KIRREL3: variants seen among roughly 807,000 people sequenced by gnomAD.
The protein encoded by KIRREL3 is kin of IRRE-like protein 3.
A neutral mutation model predicts 89.7 loss-of-function variants in KIRREL3; 36 were observed. The ratio of observed to expected loss-of-function variants is 0.40; its 90% CI spans 0.31 to 0.53. The LOEUF is 0.53. Among genes scored for constraint, KIRREL3 ranks in the 20% least tolerant of loss-of-function variants. KIRREL3 has a pLI of 0.49. For synonymous variants in KIRREL3, 445 were observed against 441.4 expected (o/e 1.01, Z -0.10); for missense variants, 864 against 1,056.6 (o/e 0.82, Z 2.53).
chr11:126,681,727 T>C, intron 1 of KIRREL3: 1 of 354,020 alleles, frequency 2.8e-6, no homozygotes, highest in Non-Finnish European at 5.6e-6. Flanking sequence ...CAATAAACAT[T>C]TGTTTAATTG....
chr11:126,982,459 C>A (rs955330775), intron 1 of KIRREL3, among the ~76,000 whole-genome samples: 1 of 152,194 alleles, frequency 6.6e-6, no homozygotes, highest in East Asian at 1.9e-4. Flanking sequence ...TCTTCTCAAA[C>A]CTGAGGGAGA....
At chr11:126,923,271 TTCTCCTTCTC>T (rs1947531360) in intron 1 of KIRREL3, among the ~76,000 whole-genome samples, 1 of 106,992 alleles carries the variant, frequency 9.3e-6, no homozygotes, top group African/African-American at 4.0e-5. Context: ...CTTCTTCTCC[TTCTCCTTCTC>T]CTTCTCCTTC....
In KIRREL3 at chr11:126,547,893, C is replaced by A. The variant is rs117999787; in HGVS notation, c.133+14942G>T. On this transcript the variant is annotated intron_variant, in intron 2 of 16. Transcript: ENST00000525144. ...TGGAAGTAAGAAGGCCAGGCTTTGGCGTTCAGCTGGCTTACTCTAACATCT... is the reference window on the plus strand; with the variant it reads ...TGGAAGTAAGAAGGCCAGGCTTTGGAGTTCAGCTGGCTTACTCTAACATCT... Among the ~76,000 whole-genome samples, 29 of 152,160 alleles carry A rather than the reference C, an allele frequency of 1.9e-4. 1 individual carries two copies. Among genetic ancestry groups the A allele is most frequent in the Admixed American group, 5.2e-4 (8 of 15,278 alleles).
rs114341994 is a variant in KIRREL3, at chr11:126,484,976, T to C, written c.434-11510A>G. ...GATTACAGGCACCTGCCACCACGCC[T>C]GGCTGATATTTTTTGGTACTTTTGG... On this transcript the variant is annotated intron_variant, in intron 4 of 16. Transcript: ENST00000525144. This position sits in a 1 kb window ranked among gnomAD's most constrained non-coding sequence, Gnocchi z 5.2. 0.023 allele frequency among the ~76,000 whole-genome samples: 3,472 copies of C among 152,216 alleles called. 139 individuals carry two copies. The highest frequency in any genetic ancestry group is 0.075 in the African/African-American group (3,104 of 41,528).
chr11:126,591,062 C>T (rs1241102057), intron 1 of KIRREL3, among the ~76,000 whole-genome samples: 1 of 152,146 alleles, frequency 6.6e-6, no homozygotes. Flanking sequence ...TACGTCTCTA[C>T]TAAAAATACA....
intron 1 of KIRREL3, among the ~76,000 whole-genome samples, chr11:126,861,063 A>G (rs1416210640): frequency 6.6e-6 from 1 of 152,082 alleles, no homozygotes; most frequent in Non-Finnish European, 1.5e-5. Flanking sequence ...TTGTTCTCAC[A>G]TGGGTAGGGA....
intron 1 of KIRREL3, among the ~76,000 whole-genome samples, chr11:126,793,384 T>C (rs1019223093): frequency 6.6e-6 from 1 of 152,194 alleles, no homozygotes; most frequent in African/African-American, 2.4e-5. Flanking sequence ...AGGGTTACTT[T>C]TGTTCCTTCA....
rs1450590841 is a variant in KIRREL3, at chr11:126,425,493, C to T, written c.1893+145G>A. 2.0e-5 allele frequency: 14 copies of T among 687,174 alleles called. 1 individual carries two copies. Among genetic ancestry groups the T allele is most frequent in the Middle Eastern group, 7.3e-4 (2 of 2,728 alleles). The allele number at this position is 687,174 out of a possible 1,614,324, so 42.6% of individuals were successfully genotyped here. On this transcript the variant is annotated intron_variant, in intron 16 of 16. Coordinates refer to ENST00000525144, the MANE Select transcript of KIRREL3 (RefSeq NM_032531.4). ...GGGTAGGGAGAGGAGGTGCCTTAGG[C>T]AGGGACGGGCACCTGCCACCAAGCT... is the stretch of plus-strand genomic sequence containing the variant.
intron 1 of KIRREL3, among the ~76,000 whole-genome samples, chr11:126,923,325 T>TC (rs1170618937): frequency 1.4e-5 from 2 of 141,828 alleles, no homozygotes; most frequent in East Asian, 2.0e-4. Context: ...TCTTCCTTCT[T>TC]CTTCTTCCTT....
intron 1 of KIRREL3, among the ~76,000 whole-genome samples, chr11:126,688,300 C>T (rs892768194): frequency 3.9e-5 from 6 of 152,236 alleles, no homozygotes; most frequent in East Asian, 1.9e-4. Flanking sequence ...TGTACATAAG[C>T]GATATTGATT....
Position 126,994,238 on chromosome 11 carries a change from G to A in KIRREL3, c.55+6217C>T, listed in dbSNP as rs920593220. Among the ~76,000 whole-genome samples the A allele has an allele frequency of 1.2e-4, 18 of 152,148 alleles. No individual in the cohort carries two copies. The highest frequency in any genetic ancestry group is 2.6e-4 in the Non-Finnish European group (18 of 68,022). The stretch of plus-strand genomic sequence containing the variant: ...GTGTTCAGTAGGGGGTCAGGAGGGC[G>A]TGGGAAGGCTTCCAGATGCCAGGAA... On this transcript the variant is annotated intron_variant, in intron 1 of 16. Coordinates refer to ENST00000525144, the MANE Select transcript of KIRREL3 (RefSeq NM_032531.4). This position sits in a 1 kb window ranked among gnomAD's most constrained non-coding sequence, Gnocchi z 5.2.
intron 1 of KIRREL3, among the ~76,000 whole-genome samples, chr11:126,745,687 G>A (rs1380850078): frequency 1.3e-5 from 2 of 152,222 alleles, no homozygotes; most frequent in Non-Finnish European, 2.9e-5. Flanking sequence ...TAACCACTGA[G>A]CTTCACCCCC....
At chr11:126,657,483 G>A (rs984109133) in intron 1 of KIRREL3, among the ~76,000 whole-genome samples, 1 of 152,168 alleles carries the variant, frequency 6.6e-6, no homozygotes, top group Non-Finnish European at 1.5e-5. Flanking sequence ...GGTCTGAGAG[G>A]TGAGTGCTGG....
Position 126,668,660 on chromosome 11 carries a change from C to G in KIRREL3, c.56-105748G>C, listed in dbSNP as rs1017031284. On this transcript the variant is annotated intron_variant, in intron 1 of 16. Transcript: ENST00000525144. The surrounding 1 kb of genome is among the most constrained non-coding windows in gnomAD (Gnocchi z 4.4). ...TCAGATAGCATGCCATTTGCTGTCT[C>G]AAATCTATAAAGAGCTGTTGGGAAG... Among the ~76,000 whole-genome samples, 1 of 152,084 alleles carries G rather than the reference C, an allele frequency of 6.6e-6. No individual in the cohort carries two copies. Among genetic ancestry groups the G allele is most frequent in the Non-Finnish European group, 1.5e-5 (1 of 68,016 alleles).
intron 1 of KIRREL3, among the ~76,000 whole-genome samples, chr11:126,737,045 A>C (rs1257648339): frequency 6.6e-6 from 1 of 152,246 alleles, no homozygotes; most frequent in Non-Finnish European, 1.5e-5. Flanking sequence ...TCAAATAGTA[A>C]GTTTCCCAAT....
Position 126,918,052 on chromosome 11 carries a change from T to A in KIRREL3, c.55+82403A>T, listed in dbSNP as rs1233497026. On this transcript the variant is annotated intron_variant, in intron 1 of 16. Transcript: ENST00000525144. The surrounding 1 kb of genome is among the most constrained non-coding windows in gnomAD (Gnocchi z 6.5). ...ACTGCTGCCTGGGAAACTGGTTTTG[T>A]GCATTCTCAGAAATACGAGATTGGC... Among the ~76,000 whole-genome samples the A allele has an allele frequency of 6.6e-6, 1 of 152,182 alleles. No homozygotes were observed. The highest frequency in any genetic ancestry group is 2.4e-5 in the African/African-American group (1 of 41,436).
chr11:126,820,853 G>T (rs1943188284), intron 1 of KIRREL3, among the ~76,000 whole-genome samples: 1 of 152,096 alleles, frequency 6.6e-6, no homozygotes, highest in African/African-American at 2.4e-5. Context: ...TTCCAGGTGT[G>T]GAAACTATGG....
At position 126,772,956 on chromosome 11, in the gene KIRREL3, A is replaced by AG. The variant is rs1191203149; in HGVS notation, c.56-210045dup. Among the ~76,000 whole-genome samples the AG allele has an allele frequency of 6.6e-6, 1 of 152,204 alleles. No homozygotes were observed. Among genetic ancestry groups the AG allele is most frequent in the Non-Finnish European group, 1.5e-5 (1 of 68,036 alleles). Reference sequence around the variant, plus strand: ...TCCTGGGGTTCTGTCATGTGGACTAAGGTAGGGGTGAGCAAGCTATGGAAA... The same window carrying AG: ...TCCTGGGGTTCTGTCATGTGGACTAAGGGTAGGGGTGAGCAAGCTATGGAAA... On this transcript the variant is annotated intron_variant, in intron 1 of 16. Coordinates refer to ENST00000525144, the MANE Select transcript of KIRREL3 (RefSeq NM_032531.4). This position sits in a 1 kb window ranked among gnomAD's most constrained non-coding sequence, Gnocchi z 4.6.
chr11:126,473,322 G>A lies in KIRREL3; in HGVS notation c.578C>T (p.Ala193Val). 1 of 1,494,290 alleles carries A rather than the reference G, an allele frequency of 6.7e-7. No homozygotes were observed. Among genetic ancestry groups the A allele is most frequent in the Non-Finnish European group, 8.9e-7 (1 of 1,118,312 alleles). The allele number at this position is 1,494,290 out of a possible 1,614,324, so 92.6% of individuals were successfully genotyped here. Residue 193 changes from alanine (A) to valine (V), a missense_variant, in exon 5 of 17, where the codon GCC (alanine) becomes GTC (valine). Transcript: ENST00000525144. ...TCCAGGCCTCACCTTGGAGTAGGTG[G>A]CCCCATTGATGACCTCTCCCTTTCG... The part of the protein sequence containing the change: ...WLRKGEVING[A>V]TYSKTLLRDG...
Sources: gnomAD v4.1 joint callset for allele counts (sites outside exome capture counted in the v4.1 genomes callset) on GRCh38, gnomAD v4.1.1 for gene constraint, Gnocchi (gnomAD v3.1) non-coding constraint, MANE v1.5 for transcripts, NCBI Gene and HGNC (gene_info 2026-07-23, HGNC 2026-07-21) for gene names.